The following FEZ2 variants were observed in gnomAD, a reference collection of about 807,000 sequenced individuals.
FEZ2 encodes the protein fasciculation and elongation protein zeta 2.
In FEZ2, 51 loss-of-function variants were observed where a neutral mutation model predicts 40.4. The observed-to-expected ratio is 1.26, with a 90% CI of 1.01 to 1.59. The LOEUF (loss-of-function observed/expected upper bound fraction) is 1.59. FEZ2 is among the 40% of genes most tolerant of loss of function. FEZ2 has a pLI of 0.00. For synonymous variants in FEZ2, 242 were observed against 172.0 expected (o/e 1.41, Z -3.18); for missense variants, 640 against 438.3 (o/e 1.46, Z -4.11).
chr2:36,566,265 G>A (rs920494485), intron 5 of FEZ2, among the ~76,000 whole-genome samples: 5 of 151,962 alleles, frequency 3.3e-5, no homozygotes, highest in Non-Finnish European at 5.9e-5. Context: ...GCGTGAATCC[G>A]GGAGGCGGAG....
intron 3 of FEZ2, among the ~76,000 whole-genome samples, chr2:36,581,893 GTATA>G (rs781448876): frequency 6.6e-6 from 1 of 151,834 alleles, no homozygotes; most frequent in Non-Finnish European, 1.5e-5. Context: ...CACAAAAAAA[GTATA>G]TATAAATGGG....
chr2:36,578,932 G>A (rs1668657150), intron 4 of FEZ2, 67 bp from the exon 5 acceptor site: 1 of 1,368,918 alleles, frequency 7.3e-7, no homozygotes, highest in Admixed American at 2.1e-5. Context: ...AAACAGAGTA[G>A]TCACTAGGAA....
At chr2:36,587,806 A>T (rs1668944840) in intron 2 of FEZ2, among the ~76,000 whole-genome samples, 1 of 152,094 alleles carries the variant, frequency 6.6e-6, no homozygotes, top group African/African-American at 2.4e-5. Flanking sequence ...TAAAAAAAAA[A>T]TGCTTAATTA....
intron 5 of FEZ2, among the ~76,000 whole-genome samples, chr2:36,574,710 A>G (rs1668512653): frequency 6.6e-6 from 1 of 152,128 alleles, no homozygotes; most frequent in South Asian, 2.1e-4. Context: ...CCAGAAGAAG[A>G]GCATTGAATA....
intron 2 of FEZ2, chr2:36,590,251 T>C (rs991165202): frequency 6.6e-6 from 1 of 152,230 alleles, no homozygotes; most frequent in African/African-American, 2.4e-5. Context: ...TGACAACATA[T>C]CATGTCTAGC....
At chr2:36,564,843 G>T (rs1668189155) in intron 5 of FEZ2, among the ~76,000 whole-genome samples, 1 of 152,144 alleles carries the variant, frequency 6.6e-6, no homozygotes, top group Non-Finnish European at 1.5e-5. Flanking sequence ...CAGCATCTAT[G>T]GAATATGTCC....
intron 5 of FEZ2, among the ~76,000 whole-genome samples, chr2:36,565,596 C>G (rs1015615105): frequency 6.6e-6 from 1 of 152,174 alleles, no homozygotes; most frequent in Non-Finnish European, 1.5e-5. Flanking sequence ...ACCTGACCTC[C>G]GGGTGCAACT....
chr2:36,589,399 A>T (rs1669002274), intron 2 of FEZ2, among the ~76,000 whole-genome samples: 1 of 152,242 alleles, frequency 6.6e-6, no homozygotes, highest in Non-Finnish European at 1.5e-5. Flanking sequence ...AATTTAGGCC[A>T]TGGCTAAATG....
chr2:36,592,035 A>C (rs966579273), intron 1 of FEZ2, among the ~76,000 whole-genome samples: 1 of 152,242 alleles, frequency 6.6e-6, no homozygotes, highest in Non-Finnish European at 1.5e-5. Context: ...ATGATGTTTT[A>C]TGAAAAACTA....
intron 2 of FEZ2, among the ~76,000 whole-genome samples, chr2:36,588,533 A>G (rs1668974462): frequency 6.6e-6 from 1 of 152,144 alleles, no homozygotes; most frequent in Admixed American, 6.5e-5. Flanking sequence ...ACACCCCAAT[A>G]GCAAAATCTG....
chr2:36,566,786 G>C (rs1433713625), intron 5 of FEZ2, among the ~76,000 whole-genome samples: 1 of 152,240 alleles, frequency 6.6e-6, no homozygotes, highest in African/African-American at 2.4e-5. Context: ...CAGGAGGGCA[G>C]TCACTTTACT....
In FEZ2 at chr2:36,558,463, A is replaced by C; in HGVS notation, c.954T>G (p.Val318=). 14 of 1,531,412 alleles carry C rather than the reference A, an allele frequency of 9.1e-6. No individual in the cohort carries two copies. The highest frequency in any genetic ancestry group is 1.2e-5 in the Non-Finnish European group (14 of 1,135,874). The allele number at this position is 1,531,412 out of a possible 1,614,324, so 94.9% of individuals were successfully genotyped here. A position where few individuals can be genotyped will look rare whatever the true frequency, so the allele number is the denominator to read the frequency against. The change falls in exon 6 of 8, where the codon GTT becomes GTG. Residue 318 remains valine, a synonymous_variant. Coordinates refer to ENST00000405912, the MANE Select transcript of FEZ2 (RefSeq NM_005102.3). ...PYEKKNGPPS[V]EDLQILTKIL... ...TTTTTGTTAATATTTGAAGATCTTC[A>C]ACAGACGGTGGTCCGTTTTTTTTCT...
Position 36,583,364 on chromosome 2 carries a change from T to G in FEZ2, c.481A>C (p.Thr161Pro). Residue 161 changes from threonine (T) to proline (P), a missense_variant, in exon 3 of 8, where the codon ACG becomes CCG. Thr to Pro is a conservative substitution (Grantham distance 38). Transcript: ENST00000405912. ...VSCVNDEPLFTADQVIEEIEE... is the reference protein window; with the variant it reads ...VSCVNDEPLFPADQVIEEIEE... ...GATCTCCTCTATACCTGGTCTGCCG[T>G]GAAGAGGGGTTCATCATTAACACAG... 1 of 1,569,854 alleles carries G rather than the reference T, an allele frequency of 6.4e-7. No individual in the cohort carries two copies. The highest frequency in any genetic ancestry group is 8.8e-7 in the Non-Finnish European group (1 of 1,139,776).
intron 5 of FEZ2, among the ~76,000 whole-genome samples, chr2:36,575,735 A>G (rs1349992325): frequency 6.6e-6 from 1 of 152,110 alleles, no homozygotes; most frequent in African/African-American, 2.4e-5. Flanking sequence ...CACCACAACA[A>G]ATATTTAAAA....
chr2:36,567,172 G>A (rs1668268470), intron 5 of FEZ2, among the ~76,000 whole-genome samples: 3 of 151,924 alleles, frequency 2.0e-5, no homozygotes, highest in African/African-American at 7.3e-5. Context: ...ATAAGCTGAG[G>A]CTGTGACACT....
chr2:36,555,173 T>C (rs1470432575), intron 7 of FEZ2: 5 of 152,676 alleles, frequency 3.3e-5, no homozygotes, highest in African/African-American at 1.2e-4. Flanking sequence ...TTTTTCACTT[T>C]CCTGGGTTTA....
At chr2:36,571,202 AAAT>A (rs1306157779) in intron 5 of FEZ2, among the ~76,000 whole-genome samples, 4 of 152,276 alleles carry the variant, frequency 2.6e-5, no homozygotes, top group Non-Finnish European at 4.4e-5. Flanking sequence ...TGAATTATTA[AAAT>A]AATAGCCATT....
At chr2:36,558,366 G>C in intron 6 of FEZ2, 72 bp downstream of exon 6, 1 of 872,820 alleles carries the variant, frequency 1.1e-6, no homozygotes, top group Non-Finnish European at 1.7e-6. Flanking sequence ...AACAAAATCA[G>C]CCAACTAAAG....
chr2:36,586,710 G>A (rs1236694710), intron 2 of FEZ2, among the ~76,000 whole-genome samples: 9 of 152,030 alleles, frequency 5.9e-5, no homozygotes, highest in Admixed American at 1.3e-4. Flanking sequence ...GGAGGCCAAG[G>A]TGGGAGGATC....
Sources: allele counts gnomAD v4.1 joint callset (sites outside exome capture counted in the v4.1 genomes callset), GRCh38; gene constraint gnomAD v4.1.1; transcripts MANE v1.5; gene names NCBI Gene and HGNC (gene_info 2026-07-23, HGNC 2026-07-21).